ABCA12: variants seen among roughly 807,000 people sequenced by gnomAD.
ABCA12 encodes ATP binding cassette subfamily A member 12.
A neutral mutation model predicts 293.5 loss-of-function variants in ABCA12; 156 were observed. The observed-to-expected ratio is 0.53, with a 90% CI of 0.47 to 0.61. ABCA12 has a LOEUF of 0.61. Among genes scored for constraint, ABCA12 ranks in the 20% least tolerant of loss-of-function variants. ABCA12 has a pLI of 0.00. For missense variants in ABCA12, 2,797 were observed against 3,090.2 expected, an observed-to-expected ratio of 0.91 and a Z score of 2.25; for synonymous variants, 1,063 against 1,108.0, an observed-to-expected ratio of 0.96 and a Z score of 0.81.
At chr2:215,068,387 A>G (rs193294629) in intron 2 of ABCA12, among the ~76,000 whole-genome samples, 2 of 152,314 alleles carry the variant, frequency 1.3e-5, no homozygotes, top group Non-Finnish European at 2.9e-5. Flanking sequence ...CAATTATAGT[A>G]TGAAAGCAGC....
intron 2 of ABCA12, among the ~76,000 whole-genome samples, chr2:215,106,260 C>T (rs1478177189): frequency 6.6e-6 from 1 of 152,136 alleles, no homozygotes; most frequent in African/African-American, 2.4e-5. Flanking sequence ...ATGGATCCCA[C>T]AAACCACTTG....
chr2:215,090,052 T>A (rs954217881), intron 2 of ABCA12, among the ~76,000 whole-genome samples: 1 of 152,140 alleles, frequency 6.6e-6, no homozygotes, highest in Non-Finnish European at 1.5e-5. Flanking sequence ...TGACATTACC[T>A]TGTGAAATTC....
intron 20 of ABCA12, 87 bp from the exon 21 acceptor site, chr2:215,001,824 C>T (rs1465850384): frequency 1.7e-6 from 2 of 1,143,746 alleles, no homozygotes; most frequent in Non-Finnish European, 2.5e-6. Context: ...TTTGTAAATA[C>T]TAAACTAGAT....
At chr2:215,065,433 T>C (rs1701623780) in intron 2 of ABCA12, among the ~76,000 whole-genome samples, 1 of 151,024 alleles carries the variant, frequency 6.6e-6, no homozygotes, top group Non-Finnish European at 1.5e-5. Flanking sequence ...TGCATTAATC[T>C]ACCAGTAGAA....
chr2:214,983,438 G>A (rs568958641), intron 29 of ABCA12, among the ~76,000 whole-genome samples: 7 of 152,282 alleles, frequency 4.6e-5, no homozygotes, highest in Admixed American at 6.5e-5. Context: ...AGCCACAGAT[G>A]AAGAGAGTTA....
intron 36 of ABCA12, among the ~76,000 whole-genome samples, chr2:214,971,360 TTATAC>T (rs1336364435): frequency 9.2e-5 from 14 of 152,294 alleles, no homozygotes; most frequent in Admixed American, 7.2e-4. Context: ...AATTTTTAAA[TTATAC>T]TATACATAGA....
At chr2:215,096,006 G>A (rs1472526629) in intron 2 of ABCA12, among the ~76,000 whole-genome samples, 2 of 152,172 alleles carry the variant, frequency 1.3e-5, no homozygotes, top group African/African-American at 4.8e-5. Flanking sequence ...ATGTTTGGTG[G>A]TCTCTTCACA....
chr2:215,123,545 T>C (rs1288227745), intron 1 of ABCA12, among the ~76,000 whole-genome samples: 2 of 152,170 alleles, frequency 1.3e-5, no homozygotes, highest in Non-Finnish European at 2.9e-5. Flanking sequence ...TTGTAAGTAG[T>C]GCTGCAATAA....
At chr2:215,137,601 A>G (rs1703258039) in intron 1 of ABCA12, among the ~76,000 whole-genome samples, 1 of 152,216 alleles carries the variant, frequency 6.6e-6, no homozygotes, top group African/African-American at 2.4e-5. Context: ...GCACATATAC[A>G]TACTCTTGTT....
rs115282356 is a variant in ABCA12, at chr2:214,975,526, T to G, written c.5381+259A>C. Among the ~76,000 whole-genome samples the G allele has an allele frequency of 2.6e-3, 396 of 152,352 alleles. 1 individual carries two copies. Among genetic ancestry groups the G allele is most frequent in the African/African-American group, 9.0e-3 (376 of 41,572 alleles). On this transcript the variant is annotated intron_variant, in intron 34 of 52. Transcript: ENST00000272895. ...TGGGAAGCCATACCTAGCCTGGATT[T>G]CTTAATTAAAGTCGTCATTATAAAT...
At chr2:215,034,613 A>G (rs1700952426) in intron 8 of ABCA12, among the ~76,000 whole-genome samples, 1 of 152,188 alleles carries the variant, frequency 6.6e-6, no homozygotes, top group Non-Finnish European at 1.5e-5. Context: ...GTTGTTCATA[A>G]AAGAGCTCCT....
rs967834600 is a variant in ABCA12, at chr2:214,932,559, G to A, written c.*75C>T. On this transcript the variant is annotated 3_prime_UTR_variant, in exon 53 of 53. Transcript: ENST00000272895. ...TTACTTTAAAATGAAGATATCTTGC[G>A]GAAGTGTATCTTCTGTGGCTTTTCT... 51 of 1,050,082 alleles carry A rather than the reference G, an allele frequency of 4.9e-5. No individual in the cohort carries two copies. The highest frequency in any genetic ancestry group is 4.4e-4 in the African/African-American group (28 of 63,626). 65.0% of individuals were successfully genotyped at this position (1,050,082 alleles called of 1,614,324 possible).
intron 47 of ABCA12, chr2:214,947,758 T>C (rs1051313166): frequency 3.2e-6 from 2 of 622,916 alleles, no homozygotes; most frequent in Non-Finnish European, 5.4e-6. Context: ...AAAGAGATTC[T>C]TTGGAGGCTC....
In ABCA12 at chr2:214,932,667, A is replaced by G; in HGVS notation, c.7755T>C (p.Ser2585=). The part of the protein sequence containing the change: ...ADTSSQGSTI[S]VDSQDDQMES Reference sequence around the variant, plus strand: ...CCATCTGGTCATCTTGTGAGTCAACACTTATAGTGGAACCTTGGCTGCTGG... The same window carrying G: ...CCATCTGGTCATCTTGTGAGTCAACGCTTATAGTGGAACCTTGGCTGCTGG... Residue 2585 remains serine, a synonymous_variant, in exon 53 of 53, where the codon AGT becomes AGC. Coordinates refer to ENST00000272895, the MANE Select transcript of ABCA12 (RefSeq NM_173076.3). The G allele has an allele frequency of 6.2e-7, 1 of 1,613,562 alleles. No individual in the cohort carries two copies. Among genetic ancestry groups the G allele is most frequent in the South Asian group, 1.1e-5 (1 of 91,072 alleles).
chr2:214,986,701 A>G lies in ABCA12; in HGVS notation c.4004T>C (p.Ile1335Thr), dbSNP rs1225489859. The change falls in exon 28 of 53, where the codon ATC becomes ACC. Residue 1335 changes from isoleucine (I) to threonine (T), a missense_variant. Ile to Thr is a moderately conservative substitution (Grantham distance 89). Transcript: ENST00000272895. ...TGTGAGATCTTTAGGTTCAGGCTCG[A>G]TGTTAGAGGAAAACATGTATTCAGG... Reference protein sequence around the residue: ...ASPEYMFSSNIEPEPKDLTVG... With the variant: ...ASPEYMFSSNTEPEPKDLTVG... 6.2e-7 allele frequency: 1 copy of G among 1,614,124 alleles called. No homozygotes were observed. The highest frequency in any genetic ancestry group is 8.5e-7 in the Non-Finnish European group (1 of 1,179,974).
In ABCA12 at chr2:214,954,061, A is replaced by G. The variant is rs1698865183; in HGVS notation, c.6440T>C (p.Phe2147Ser). ...SETLKRIFLI[F>S]PQFCFGYGLI... is the part of the protein sequence containing the mutation. Reference sequence around the variant, plus strand: ...ACCGTAGCCAAAACAGAATTGTGGGAAAATCAGGAAAATGCGCTTGAGGGT... The same window carrying G: ...ACCGTAGCCAAAACAGAATTGTGGGGAAATCAGGAAAATGCGCTTGAGGGT... Residue 2147 changes from phenylalanine to serine, a missense_variant, in exon 44 of 53, where the codon TTC becomes TCC. By Grantham distance (155) the Phe-to-Ser change is radical (BLOSUM62 -2). Around this residue, in one of 3 missense-constraint regions of ABCA12, gnomAD observed 2,130 missense variants for 2,427.0 expected, o/e 0.88. Coordinates refer to ENST00000272895, the MANE Select transcript of ABCA12 (RefSeq NM_173076.3). The G allele has an allele frequency of 6.2e-7, 1 of 1,614,088 alleles. No individual in the cohort carries two copies. The highest frequency in any genetic ancestry group is 1.7e-5 in the Admixed American group (1 of 60,028).
At chr2:215,134,652 G>GACAA (rs1175246454) in intron 1 of ABCA12, among the ~76,000 whole-genome samples, 1 of 101,560 alleles carries the variant, frequency 9.8e-6, no homozygotes, top group Admixed American at 1.1e-4. Flanking sequence ...CAAACAGAGA[G>GACAA]AGAGAGAGAG....
rs543421170 is a variant in ABCA12 at position 214,985,175 on chromosome 2, G to A, written c.4164-1310C>T. Among the ~76,000 whole-genome samples the A allele has an allele frequency of 9.1e-4, 138 of 152,220 alleles. 1 individual carries two copies. Among genetic ancestry groups the A allele is most frequent in the African/African-American group, 3.2e-3 (131 of 41,524 alleles). Reference sequence around the variant, plus strand: ...TTTCTATTTAGAACAATAAAATGGGGGCATTCTCAGCTAAAATTATAGCCT... The same window carrying A: ...TTTCTATTTAGAACAATAAAATGGGAGCATTCTCAGCTAAAATTATAGCCT... On this transcript the variant is annotated intron_variant, in intron 28 of 52. Transcript: ENST00000272895.
At chr2:215,109,362 C>A (rs898726282) in intron 2 of ABCA12, among the ~76,000 whole-genome samples, 9 of 152,126 alleles carry the variant, frequency 5.9e-5, no homozygotes, top group Admixed American at 1.3e-4. Flanking sequence ...AAACTGTAAT[C>A]TCCCTGTGTT....
Sources: allele counts gnomAD v4.1 joint callset (sites outside exome capture counted in the v4.1 genomes callset), GRCh38; gene constraint gnomAD v4.1.1; regional missense constraint gnomAD v4.1.1; transcripts MANE v1.5; gene names NCBI Gene and HGNC (gene_info 2026-07-23, HGNC 2026-07-21).